The following GDPD5 variants were observed in gnomAD, a reference collection of about 807,000 sequenced individuals.
GDPD5 encodes the protein glycerophosphodiester phosphodiesterase 2.
In GDPD5, 48 loss-of-function variants were observed where a neutral mutation model predicts 75.1. The observed-to-expected ratio is 0.64, with a 90% CI of 0.51 to 0.81. GDPD5 has a LOEUF of 0.81. GDPD5 is among the 40% of genes least tolerant of loss of function. The pLI is 0.00. For missense variants in GDPD5, 706 were observed against 822.6 expected, an observed-to-expected ratio of 0.86 and a Z score of 1.73; for synonymous variants, 336 against 339.0, an observed-to-expected ratio of 0.99 and a Z score of 0.10.
chr11:75,440,564 CTTT>C (rs921333173), intron 14 of GDPD5, among the ~76,000 whole-genome samples: 2 of 152,036 alleles, frequency 1.3e-5, no homozygotes, highest in African/African-American at 4.8e-5. Context: ...GTTTCCTATT[CTTT>C]TTTATTTTTA....
At chr11:75,472,709 C>A (rs1284148690) in intron 3 of GDPD5, among the ~76,000 whole-genome samples, 1 of 152,190 alleles carries the variant, frequency 6.6e-6, no homozygotes, top group African/African-American at 2.4e-5. Context: ...CTCATGAACA[C>A]ATATGCTCAA....
intron 1 of GDPD5, among the ~76,000 whole-genome samples, chr11:75,513,676 G>C (rs1400000889): frequency 4.6e-5 from 7 of 152,194 alleles, no homozygotes; most frequent in Admixed American, 4.6e-4. Context: ...AGAACTCCTG[G>C]GTTCCTCGCT....
At chr11:75,469,171 C>T (rs1042971529) in intron 3 of GDPD5, among the ~76,000 whole-genome samples, 2 of 152,172 alleles carry the variant, frequency 1.3e-5, no homozygotes, top group Non-Finnish European at 2.9e-5. Context: ...ATGCAGAGGC[C>T]AGGCCTGGCT....
At chr11:75,471,425 C>T (rs1368204564) in intron 3 of GDPD5, among the ~76,000 whole-genome samples, 1 of 152,226 alleles carries the variant, frequency 6.6e-6, no homozygotes, top group Non-Finnish European at 1.5e-5. Flanking sequence ...GCAATCAGGC[C>T]TCTGTCCTTG....
chr11:75,443,426 C>T (rs1417784165), intron 10 of GDPD5, 140 bp from the exon 11 acceptor site: 1 of 977,856 alleles, frequency 1.0e-6, no homozygotes, highest in African/African-American at 1.6e-5. Flanking sequence ...TCAGTCTCCC[C>T]ATCTGCACAG....
intron 15 of GDPD5, 94 bp downstream of exon 15, chr11:75,439,785 G>T: frequency 9.8e-7 from 1 of 1,022,938 alleles, no homozygotes; most frequent in Non-Finnish European, 1.5e-6. Flanking sequence ...CCTGGCTGAG[G>T]CCCAGGGCTC....
intron 1 of GDPD5, chr11:75,492,625 A>C (rs558477305): frequency 6.6e-6 from 1 of 152,346 alleles, no homozygotes; most frequent in South Asian, 2.1e-4. Context: ...TGCCTTAGGT[A>C]CATCAGTACC....
intron 1 of GDPD5, among the ~76,000 whole-genome samples, chr11:75,497,511 C>T (rs1950232727): frequency 1.3e-5 from 2 of 150,004 alleles, no homozygotes; most frequent in South Asian, 4.3e-4. Flanking sequence ...AATTTTTAGA[C>T]CACTTTCTCC....
intron 2 of GDPD5, among the ~76,000 whole-genome samples, chr11:75,484,650 C>T (rs1311534924): frequency 6.6e-6 from 1 of 151,966 alleles, no homozygotes; most frequent in South Asian, 2.1e-4. Context: ...TTGAGGAAGC[C>T]GAGGCAGGAG....
Position 75,439,865 on chromosome 11 carries a change from C to T in GDPD5, c.1556+14G>A, listed in dbSNP as rs780258736. 1 of 1,606,750 alleles carries T rather than the reference C, an allele frequency of 6.2e-7. No homozygotes were observed. The highest frequency in any genetic ancestry group is 1.1e-5 in the South Asian group (1 of 90,884). On this transcript the variant is annotated intron_variant, in intron 15 of 16. Coordinates refer to ENST00000336898, the MANE Select transcript of GDPD5 (RefSeq NM_030792.8). ...GGGTAGGGACAGCCACGGAAGTGGT[C>T]AGATCCTACTCACTTCTGGAGCACG...
intron 1 of GDPD5, among the ~76,000 whole-genome samples, chr11:75,492,115 G>A (rs918475199): frequency 6.6e-6 from 1 of 152,224 alleles, no homozygotes; most frequent in African/African-American, 2.4e-5. Flanking sequence ...TGGGCCCATG[G>A]CTGCCCTGGA....
chr11:75,447,764 T>C (rs1485734573), intron 9 of GDPD5, among the ~76,000 whole-genome samples: 1 of 151,950 alleles, frequency 6.6e-6, no homozygotes, highest in Non-Finnish European at 1.5e-5. Context: ...CTCAGAAGAG[T>C]TCCCCTGCCC....
At chr11:75,506,623 C>T (rs1054277058) in intron 1 of GDPD5, 6 of 152,640 alleles carry the variant, frequency 3.9e-5, no homozygotes, top group Admixed American at 3.9e-4. Context: ...TGGGGGCAGC[C>T]CTGTGATCTG....
At chr11:75,448,622 C>G in intron 9 of GDPD5, 2 of 1,035,724 alleles carry the variant, frequency 1.9e-6, no homozygotes, top group Non-Finnish European at 2.3e-6. Context: ...AGCTGCCTCC[C>G]AGCTCTCCTG....
At chr11:75,460,010 C>T (rs1295870801) in intron 4 of GDPD5, among the ~76,000 whole-genome samples, 1 of 152,126 alleles carries the variant, frequency 6.6e-6, no homozygotes, top group African/African-American at 2.4e-5. Flanking sequence ...CCCTCCCTGG[C>T]CCTCATCCTC....
At chr11:75,464,222 A>G (rs1041738189) in intron 3 of GDPD5, among the ~76,000 whole-genome samples, 1 of 152,200 alleles carries the variant, frequency 6.6e-6, no homozygotes, top group African/African-American at 2.4e-5. Flanking sequence ...CCCTGTCACC[A>G]CTTACAAGCT....
chr11:75,479,686 A>G (rs960981360), intron 2 of GDPD5, among the ~76,000 whole-genome samples: 8 of 149,286 alleles, frequency 5.4e-5, no homozygotes, highest in African/African-American at 2.0e-4. Flanking sequence ...CCCCCTTCTC[A>G]TGCACTGTAA....
chr11:75,474,844 C>G (rs2135356731), intron 3 of GDPD5, among the ~76,000 whole-genome samples: 1 of 152,342 alleles, frequency 6.6e-6, no homozygotes, highest in Admixed American at 6.5e-5. Context: ...TGCTCCTGGT[C>G]CAGTGCTCTT....
At chr11:75,486,298 C>T (rs933899461) in intron 2 of GDPD5, among the ~76,000 whole-genome samples, 2 of 152,174 alleles carry the variant, frequency 1.3e-5, no homozygotes, top group Non-Finnish European at 2.9e-5. Flanking sequence ...CTGACAGTCA[C>T]CCTCCTGGGA....
Sources: allele counts gnomAD v4.1 joint callset (sites outside exome capture counted in the v4.1 genomes callset), GRCh38; gene constraint gnomAD v4.1.1; transcripts MANE v1.5; gene names NCBI Gene and HGNC (gene_info 2026-07-23, HGNC 2026-07-21).